Variants in CDH7 observed in about 807,000 individuals in gnomAD.
CDH7 encodes the protein cadherin-7.
A neutral mutation model predicts 71.8 loss-of-function variants in CDH7; 25 were observed. The observed-to-expected ratio is 0.35, with a 90% CI of 0.25 to 0.49. CDH7 has a LOEUF of 0.49. Ranked by LOEUF, CDH7 falls within the 20% of genes least tolerant of loss-of-function variation. The pLI is 0.99. For synonymous variants in CDH7, 381 were observed against 363.8 expected (o/e 1.05, Z -0.54); for missense variants, 862 against 974.6 (o/e 0.88, Z 1.54).
Position 65,843,883 on chromosome 18 carries a change from C to G in CDH7, c.1053C>G (p.Arg351=). Residue 351 remains arginine, a synonymous_variant, in exon 7 of 12, where the codon CGC becomes CGG. Coordinates refer to ENST00000397968, the MANE Select transcript of CDH7 (RefSeq NM_004361.5). ...CTGCAAATAAAGATGCCGACCCTCG[C>G]TTTCTGAGCTTGGGTCCGTTCAGTG... The part of the protein sequence containing the change: ...IEAANKDADP[R]FLSLGPFSDT... 1 of 1,587,610 alleles carries G rather than the reference C, an allele frequency of 6.3e-7. No individual in the cohort carries two copies. Among genetic ancestry groups the G allele is most frequent in the African/African-American group, 1.4e-5 (1 of 73,602 alleles).
chr18:65,857,788 GCTTTT>G lies in CDH7; in HGVS notation c.1236-19_1236-15del, dbSNP rs749317264. 2.5e-6 allele frequency: 4 copies of G among 1,604,160 alleles called. No homozygotes were observed. The South Asian group carries it at 3.3e-5, about 13-fold the overall frequency. On this transcript the variant is annotated intron_variant, in intron 7 of 11. Coordinates refer to ENST00000397968, the MANE Select transcript of CDH7 (RefSeq NM_004361.5). ...TTATAATCAAACGTACATGTTGAAG[GCTTTT>G]CTTTTCTTCAATGTTCAATTAGGTA...
rs1252949247 is a variant in CDH7 at position 65,855,940 on chromosome 18, T to C, written c.1236-1876T>C. 3.3e-5 allele frequency among the ~76,000 whole-genome samples: 5 copies of C among 151,794 alleles called. No homozygotes were observed. In the East Asian group the frequency reaches 9.7e-4, roughly 29 times the overall value. ...GATTGGTTTAATATTCAAAAGTTCA[T>C]CAATATAATGCATCATATTAAGAAA... On this transcript the variant is annotated intron_variant, in intron 7 of 11. Coordinates refer to ENST00000397968, the MANE Select transcript of CDH7 (RefSeq NM_004361.5).
intron 11 of CDH7, among the ~76,000 whole-genome samples, chr18:65,874,449 T>C (rs761323721): frequency 3.3e-4 from 50 of 152,028 alleles, no homozygotes; most frequent in Non-Finnish European, 5.4e-4. Context: ...TTCTCATTTA[T>C]AGGTGGGAGC....
chr18:65,849,206 G>GA (rs1568218157), intron 7 of CDH7, among the ~76,000 whole-genome samples: 1 of 151,572 alleles, frequency 6.6e-6, no homozygotes, highest in East Asian at 1.9e-4. Flanking sequence ...CACTAAAAAT[G>GA]AAAAAAAGAA....
chr18:65,839,634 T>C (rs1426533425), intron 6 of CDH7, among the ~76,000 whole-genome samples: 1 of 152,206 alleles, frequency 6.6e-6, no homozygotes, highest in African/African-American at 2.4e-5. Context: ...AGTTAGCTCT[T>C]AATGTAAAAA....
intron 4 of CDH7, among the ~76,000 whole-genome samples, chr18:65,815,164 T>C (rs959834518): frequency 2.6e-5 from 4 of 152,124 alleles, no homozygotes; most frequent in Non-Finnish European, 5.9e-5. Flanking sequence ...GAATATGTAG[T>C]TGGTTTGTTC....
At position 65,809,890 on chromosome 18, in the gene CDH7, G is replaced by A. The variant is rs559492578; in HGVS notation, c.397G>A (p.Val133Met). The A allele has an allele frequency of 2.5e-5, 41 of 1,613,974 alleles. No homozygotes were observed. Among genetic ancestry groups the A allele is most frequent in the Admixed American group, 3.3e-5 (2 of 60,004 alleles). ...QALDRLTNKP[V>M]EPESEFVIKI... ...GCTGGATAGGCTCACCAACAAACCC[G>A]TGGAGCCCGAGTCGGAGTTTGTCAT... Residue 133 changes from valine (V) to methionine (M), a missense_variant, in exon 3 of 12, where the codon GTG becomes ATG. Val to Met is a conservative substitution (Grantham distance 21). Coordinates refer to ENST00000397968, the MANE Select transcript of CDH7 (RefSeq NM_004361.5).
At chr18:65,813,819 T>A (rs1315771332) in intron 3 of CDH7, among the ~76,000 whole-genome samples, 1 of 152,174 alleles carries the variant, frequency 6.6e-6, no homozygotes, top group African/African-American at 2.4e-5. Flanking sequence ...CATTTCATCA[T>A]ATAACAAAGA....
intron 2 of CDH7, among the ~76,000 whole-genome samples, chr18:65,800,748 A>C (rs1216684464): frequency 6.6e-6 from 1 of 152,208 alleles, no homozygotes; most frequent in Non-Finnish European, 1.5e-5. Flanking sequence ...TATTTATGTG[A>C]TAAGACCTCT....
At chr18:65,788,814 A>T (rs1318868839) in intron 2 of CDH7, among the ~76,000 whole-genome samples, 3 of 152,228 alleles carry the variant, frequency 2.0e-5, no homozygotes, top group African/African-American at 7.2e-5. Flanking sequence ...GTTTTCAATA[A>T]GAATCTATTC....
chr18:65,875,799 A>G (rs1190160299), intron 11 of CDH7, among the ~76,000 whole-genome samples: 2 of 152,102 alleles, frequency 1.3e-5, no homozygotes, highest in Non-Finnish European at 2.9e-5. Flanking sequence ...GTGGTGGTGC[A>G]TGGCTGTAGT....
chr18:65,759,337 C>T (rs749965177), intron 1 of CDH7, among the ~76,000 whole-genome samples: 5 of 151,614 alleles, frequency 3.3e-5, no homozygotes, highest in Admixed American at 6.6e-5. Flanking sequence ...CTCCACCTCC[C>T]GAGTTTAAGC....
At chr18:65,848,562 A>AC (rs11411626) in intron 7 of CDH7, among the ~76,000 whole-genome samples, 148,300 of 152,244 alleles carry the variant, frequency 0.97, 72,332 homozygotes, top group East Asian at 1. Context: ...AGCCAAGAAA[A>AC]ATCATGCAAA....
rs750755189 is a variant in CDH7 at position 65,756,868 on chromosome 18, T to A, written c.-197+5718T>A. On this transcript the variant is annotated intron_variant, in intron 1 of 11. Transcript: ENST00000397968. ...TTTTAAAAAAGCAGTCTAGAACATA[T>A]GAATTAATTGGCAGTTAGCCATGTT... Among the ~76,000 whole-genome samples, 7 of 152,196 alleles carry A rather than the reference T, an allele frequency of 4.6e-5. 1 individual carries two copies. Among genetic ancestry groups the A allele is most frequent in the Non-Finnish European group, 1.0e-4 (7 of 68,034 alleles).
intron 2 of CDH7, among the ~76,000 whole-genome samples, chr18:65,774,020 C>G (rs1275176280): frequency 6.6e-6 from 1 of 152,088 alleles, no homozygotes; most frequent in African/African-American, 2.4e-5. Context: ...TGTCCTTATA[C>G]TTAGCTGGGC....
chr18:65,839,514 A>T (rs76172955), intron 6 of CDH7, among the ~76,000 whole-genome samples: 1,617 of 152,254 alleles, frequency 0.011, 26 homozygotes, highest in African/African-American at 0.037. Flanking sequence ...ATTTGAACAT[A>T]TGAATTTTTG....
At chr18:65,798,131 C>CT (rs1308278589) in intron 2 of CDH7, among the ~76,000 whole-genome samples, 1 of 152,172 alleles carries the variant, frequency 6.6e-6, no homozygotes, top group African/African-American at 2.4e-5. Context: ...TCTTTCTCTT[C>CT]TCAAATAAAG....
chr18:65,836,281 G>A (rs1447949119), intron 6 of CDH7, among the ~76,000 whole-genome samples: 1 of 152,088 alleles, frequency 6.6e-6, no homozygotes, highest in Non-Finnish European at 1.5e-5. Context: ...TTCTATGGGG[G>A]CGAAAGCTGA....
intron 2 of CDH7, among the ~76,000 whole-genome samples, chr18:65,781,844 T>TTCTCTCTCTCTCTCTCTC (rs1169177280): frequency 1.0e-5 from 1 of 98,314 alleles, no homozygotes; most frequent in African/African-American, 6.7e-5. Context: ...CTTTCTTTCT[T>TTCTCTCTCTCTCTCTCTC]TCTTTCTTTC....
Sources: allele counts gnomAD v4.1 joint callset (sites outside exome capture counted in the v4.1 genomes callset), GRCh38; gene constraint gnomAD v4.1.1; transcripts MANE v1.5; gene names NCBI Gene and HGNC (gene_info 2026-07-23, HGNC 2026-07-21).